The following C16orf89 variants were observed in gnomAD, a reference collection of about 807,000 sequenced individuals.
C16orf89 encodes chromosome 16 open reading frame 89.
A neutral mutation model predicts 41.5 loss-of-function variants in C16orf89; 57 were observed. That is an observed-to-expected ratio of 1.38 (90% CI 1.11 to 1.71). C16orf89 has a LOEUF of 1.71. C16orf89 is among the 40% of genes most tolerant of loss of function. The probability of loss-of-function intolerance (pLI) is 0.00; values close to 1 mark genes in which losing one functional copy is unlikely to be tolerated. For missense variants in C16orf89, 575 were observed against 445.9 expected (o/e 1.29, Z -2.61); for synonymous variants, 223 against 190.6 (o/e 1.17, Z -1.40).
Position 5,044,492 on chromosome 16 carries a change from C to G in C16orf89, c.956-14G>C. 1 of 1,611,126 alleles carries G rather than the reference C, an allele frequency of 6.2e-7. No homozygotes were observed. The highest frequency in any genetic ancestry group is 2.2e-5 in the East Asian group (1 of 44,804). ...AGGAGCAGCCATCTAGGGGAGAGAGCCCCCATGAGTGCTGGGTGGCAAGAA... is the reference window on the plus strand; with the variant it reads ...AGGAGCAGCCATCTAGGGGAGAGAGGCCCCATGAGTGCTGGGTGGCAAGAA... On this transcript the variant is annotated splice_polypyrimidine_tract_variant and intron_variant, in intron 7 of 7. Transcript: ENST00000472572.
intron 7 of C16orf89, among the ~76,000 whole-genome samples, chr16:5,047,121 A>G (rs1039960983): frequency 1.3e-5 from 2 of 152,134 alleles, no homozygotes; most frequent in Admixed American, 6.6e-5. Flanking sequence ...TGAGGGGAGA[A>G]GCCAGAATAT....
At chr16:5,049,477 T>G (rs995028647) in intron 6 of C16orf89, among the ~76,000 whole-genome samples, 1 of 152,218 alleles carries the variant, frequency 6.6e-6, no homozygotes, top group Non-Finnish European at 1.5e-5. Flanking sequence ...TCAGCAAATT[T>G]AAAAGAATTT....
chr16:5,053,733 G>C (rs1956439034), intron 6 of C16orf89, among the ~76,000 whole-genome samples: 1 of 152,158 alleles, frequency 6.6e-6, no homozygotes, highest in South Asian at 2.1e-4. Context: ...TTTTGGTATA[G>C]ATGGAGTTTT....
rs1005464576 is a variant in C16orf89 at position 5,044,578 on chromosome 16, C to T, written c.956-100G>A. The T allele has an allele frequency of 3.2e-6, 5 of 1,544,886 alleles. No homozygotes were observed. In the African/African-American group the frequency reaches 4.1e-5, roughly 13 times the overall value. ...TGCTTTTCAGCCAGACGCGGTGGCT[C>T]ACACCTATAATCCCACACTTTGGGA... is the stretch of plus-strand genomic sequence containing the variant. On this transcript the variant is annotated intron_variant, in intron 7 of 7. Coordinates refer to ENST00000472572, the MANE Select transcript of C16orf89 (RefSeq NM_001098514.3).
chr16:5,058,733 G>C, intron 3 of C16orf89, 123 bp from the exon 4 acceptor site: 1 of 717,060 alleles, frequency 1.4e-6, no homozygotes, highest in Non-Finnish European at 2.2e-6. Flanking sequence ...TGGGCATGGG[G>C]GTTGACAGAG....
chr16:5,052,546 G>A (rs1261640677), intron 6 of C16orf89, among the ~76,000 whole-genome samples: 2 of 151,860 alleles, frequency 1.3e-5, no homozygotes, highest in Admixed American at 6.6e-5. Context: ...AGCCGAGATC[G>A]CACCACTGCA....
At chr16:5,053,849 A>G (rs980265174) in intron 6 of C16orf89, among the ~76,000 whole-genome samples, 3 of 152,186 alleles carry the variant, frequency 2.0e-5, no homozygotes, top group African/African-American at 7.2e-5. Context: ...TGTATTTTCA[A>G]ATAGCTAGAA....
intron 6 of C16orf89, among the ~76,000 whole-genome samples, chr16:5,051,342 G>T (rs1596687976): frequency 6.6e-6 from 1 of 152,056 alleles, no homozygotes; most frequent in Non-Finnish European, 1.5e-5. Flanking sequence ...ACTGATAAAT[G>T]AATTCAACAA....
At position 5,055,510 on chromosome 16, in the gene C16orf89, G is replaced by C; in HGVS notation, c.764-160C>G. The C allele has an allele frequency of 2.9e-5, 28 of 951,396 alleles. 1 individual carries two copies. The South Asian group carries it at 4.6e-4, about 16-fold the overall frequency. The allele number at this position is 951,396 out of a possible 1,614,324, so 58.9% of individuals were successfully genotyped here. Reference sequence around the variant, plus strand: ...AGGGAAGGAGGCAGCTTGAGCCTTTGCCTGACCAACTAGGGGCTCCCATGC... The same window carrying C: ...AGGGAAGGAGGCAGCTTGAGCCTTTCCCTGACCAACTAGGGGCTCCCATGC... On this transcript the variant is annotated intron_variant, in intron 5 of 7. Transcript: ENST00000472572.
Position 5,056,117 on chromosome 16 carries a change from G to A in C16orf89, c.699C>T (p.Asp233=), listed in dbSNP as rs761177465. 11 of 1,599,856 alleles carry A rather than the reference G, an allele frequency of 6.9e-6. No homozygotes were observed. In the South Asian group the frequency reaches 1.1e-4, roughly 16 times the overall value. Residue 233 remains aspartate, a synonymous_variant, in exon 5 of 8, where the codon GAC becomes GAT. Transcript: ENST00000472572. ...CGATGGCCTCAGCTCTGCGGTTCAA[G>A]TCCATCATGTTGGCGCAGAAGAGGT... ...YINLFCANMM[D]LNRRAEAIGY... is the part of the protein sequence containing the mutation.
intron 1 of C16orf89, 28 bp downstream of exon 1, chr16:5,065,673 C>T (rs759583763): frequency 7.5e-6 from 12 of 1,593,248 alleles, no homozygotes; most frequent in Non-Finnish European, 1.0e-5. Flanking sequence ...TTCCCAGTGT[C>T]CAGCCAGAGG....
intron 3 of C16orf89, 23 bp downstream of exon 3, chr16:5,060,263 A>G (rs564240662): frequency 6.3e-7 from 1 of 1,584,758 alleles, no homozygotes; most frequent in African/African-American, 1.3e-5. Flanking sequence ...GTTTCCAGCA[A>G]ATAGGGCAAG....
At chr16:5,047,392 A>G (rs1047989228) in intron 7 of C16orf89, among the ~76,000 whole-genome samples, 1 of 152,114 alleles carries the variant, frequency 6.6e-6, no homozygotes, top group African/African-American at 2.4e-5. Flanking sequence ...TACTGTTGCT[A>G]TTTTTAACAA....
intron 4 of C16orf89, among the ~76,000 whole-genome samples, chr16:5,057,117 A>G (rs1956524034): frequency 6.6e-6 from 1 of 151,886 alleles, no homozygotes; most frequent in African/African-American, 2.4e-5. Flanking sequence ...ACGTGCCTGT[A>G]ATCCCAGCTA....
chr16:5,043,246 T>G, downstream of C16orf89: 1 of 153,194 alleles, frequency 6.5e-6, no homozygotes, highest in Non-Finnish European at 1.4e-5. Context: ...GGTGGGGAGG[T>G]GTCTCGTTAT....
In C16orf89 at chr16:5,065,792, G is replaced by A. The variant is rs1293789733; in HGVS notation, c.117C>T (p.Ile39=). 6.2e-7 allele frequency: 1 copy of A among 1,614,162 alleles called. No homozygotes were observed. The highest frequency in any genetic ancestry group is 1.7e-5 in the Admixed American group (1 of 60,032). Residue 39 remains isoleucine, a synonymous_variant, in exon 1 of 8, where the codon ATC becomes ATT. Transcript: ENST00000472572. The part of the protein sequence containing the change: ...AESKATIADL[I]LSALERATVF... ...CGGTGGCTCTCTCCAGCGCAGACAG[G>A]ATCAGGTCTGCAATGGTGGCTTTAC...
intron 2 of C16orf89, 30 bp downstream of exon 2, chr16:5,062,395 G>C: frequency 6.3e-7 from 1 of 1,586,944 alleles, no homozygotes; most frequent in Non-Finnish European, 8.6e-7. Flanking sequence ...CGCTATTCCT[G>C]AGGGAATGGG....
At chr16:5,046,928 G>A (rs1231269872) in intron 7 of C16orf89, among the ~76,000 whole-genome samples, 1 of 152,142 alleles carries the variant, frequency 6.6e-6, no homozygotes, top group Non-Finnish European at 1.5e-5. Flanking sequence ...GTAAACTGGG[G>A]CAGCTCTGGG....
chr16:5,059,660 C>G (rs902222183), intron 3 of C16orf89, among the ~76,000 whole-genome samples: 2 of 152,170 alleles, frequency 1.3e-5, no homozygotes, highest in African/African-American at 4.8e-5. Context: ...TTGTTCCAAG[C>G]CCACCAAACA....
Sources: allele counts gnomAD v4.1 joint callset (sites outside exome capture counted in the v4.1 genomes callset), GRCh38; gene constraint gnomAD v4.1.1; transcripts MANE v1.5; gene names NCBI Gene and HGNC (gene_info 2026-07-23, HGNC 2026-07-21).